Variants in ARMC8 observed in about 807,000 individuals in gnomAD.
ARMC8 encodes the protein armadillo repeat-containing protein 8.
In ARMC8, 20 loss-of-function variants were observed where a neutral mutation model predicts 99.3. The ratio of observed to expected loss-of-function variants is 0.20; its 90% CI spans 0.14 to 0.29. The LOEUF is 0.29. Ranked by LOEUF, ARMC8 falls within the 10% of genes least tolerant of loss-of-function variation. ARMC8 has a pLI of 1.00. For missense variants in ARMC8, 569 were observed against 809.5 expected (o/e 0.70, Z 3.60); for synonymous variants, 263 against 278.3 (o/e 0.95, Z 0.55).
chr3:138,265,768 C>T (rs781376507), intron 14 of ARMC8, among the ~76,000 whole-genome samples: 38 of 152,024 alleles, frequency 2.5e-4, no homozygotes, highest in African/African-American at 5.8e-4. Flanking sequence ...CAGGTAAGGA[C>T]GAAGTGGAAG....
intron 1 of ARMC8, among the ~76,000 whole-genome samples, chr3:138,205,652 T>A (rs1443118566): frequency 6.6e-6 from 1 of 152,032 alleles, no homozygotes; most frequent in Non-Finnish European, 1.5e-5. Context: ...AAAACATAAG[T>A]CAGGGCCAGG....
intron 12 of ARMC8, among the ~76,000 whole-genome samples, chr3:138,260,629 A>G (rs536865567): frequency 6.6e-6 from 1 of 152,324 alleles, no homozygotes; most frequent in South Asian, 2.1e-4. Context: ...GGTGCTAAGC[A>G]ACTTCAGGGA....
chr3:138,198,882 A>T (rs1247279499), intron 1 of ARMC8, among the ~76,000 whole-genome samples: 4 of 151,970 alleles, frequency 2.6e-5, no homozygotes, highest in Non-Finnish European at 5.9e-5. Context: ...TTTATTTTTG[A>T]TAACGTGAAG....
rs910001647 is a variant in ARMC8 at position 138,196,838 on chromosome 3, G to T, written c.45+9239G>T. Among the ~76,000 whole-genome samples, 11 of 152,310 alleles carry T rather than the reference G, an allele frequency of 7.2e-5. No individual in the cohort carries two copies. In the East Asian group the frequency reaches 7.7e-4, roughly 11 times the overall value. On this transcript the variant is annotated intron_variant, in intron 1 of 21. Coordinates refer to ENST00000469044, the MANE Select transcript of ARMC8 (RefSeq NM_001363941.2). ...GCTGAGATCGCACCCTTGCACTCCA[G>T]CTTGGGCAACAAGAGTGAAACTCCG...
intron 1 of ARMC8, among the ~76,000 whole-genome samples, chr3:138,199,232 G>A (rs1426899595): frequency 1.3e-5 from 2 of 152,126 alleles, no homozygotes; most frequent in African/African-American, 2.4e-5. Context: ...GGTATAAAAG[G>A]AATTGAATGT....
intron 12 of ARMC8, among the ~76,000 whole-genome samples, chr3:138,257,608 C>G (rs2047471102): frequency 6.6e-6 from 1 of 152,054 alleles, no homozygotes; most frequent in Non-Finnish European, 1.5e-5. Context: ...TATCCCATTT[C>G]CAAAACTAGT....
intron 18 of ARMC8, among the ~76,000 whole-genome samples, chr3:138,277,233 G>A (rs1338421294): frequency 6.6e-6 from 1 of 152,010 alleles, no homozygotes; most frequent in Non-Finnish European, 1.5e-5. Flanking sequence ...AATTAACTTT[G>A]AACTATACCA....
intron 6 of ARMC8, among the ~76,000 whole-genome samples, chr3:138,234,065 T>C (rs1313626437): frequency 5.3e-5 from 8 of 152,174 alleles, no homozygotes; most frequent in African/African-American, 1.7e-4. Context: ...CCTATCTCTT[T>C]ACCTTCCTAC....
chr3:138,214,437 T>C (rs1242311113), intron 2 of ARMC8, among the ~76,000 whole-genome samples: 3 of 152,122 alleles, frequency 2.0e-5, no homozygotes, highest in African/African-American at 7.2e-5. Flanking sequence ...ATTTTGGTAA[T>C]GATTAATTCT....
At chr3:138,245,288 A>G in intron 12 of ARMC8, 105 bp downstream of exon 12, 1 of 1,604,092 alleles carries the variant, frequency 6.2e-7, no homozygotes. Context: ...CTGTTTGAAT[A>G]TAATAAAGCA....
intron 1 of ARMC8, 115 bp downstream of exon 1, chr3:138,187,714 C>T: frequency 8.4e-7 from 1 of 1,183,622 alleles, no homozygotes. Context: ...TGGACCCCGG[C>T]TCAGTCTCGG....
At chr3:138,258,335 A>G (rs2047504575) in intron 12 of ARMC8, among the ~76,000 whole-genome samples, 1 of 152,212 alleles carries the variant, frequency 6.6e-6, no homozygotes, top group Non-Finnish European at 1.5e-5. Flanking sequence ...TAAAGCTGGA[A>G]GAATAGTTTG....
intron 6 of ARMC8, among the ~76,000 whole-genome samples, chr3:138,232,228 G>A (rs1237970339): frequency 6.6e-6 from 1 of 151,610 alleles, no homozygotes; most frequent in Non-Finnish European, 1.5e-5. Flanking sequence ...TGCCTGCCCC[G>A]GCTTCCCAAA....
At chr3:138,286,195 G>A (rs1382720436) in intron 19 of ARMC8, among the ~76,000 whole-genome samples, 7 of 152,072 alleles carry the variant, frequency 4.6e-5, no homozygotes, top group African/African-American at 9.7e-5. Flanking sequence ...CACCTGTCTC[G>A]GCCTCCCAAA....
Position 138,245,079 on chromosome 3 carries a change from T to G in ARMC8, c.1039-9T>G. On this transcript the variant is annotated splice_polypyrimidine_tract_variant and intron_variant, in intron 11 of 21. Coordinates refer to ENST00000469044, the MANE Select transcript of ARMC8 (RefSeq NM_001363941.2). ...ACTGAGTTGGAACATATCCTTTTTT[T>G]CCCCATAGCTTGATCATGATTTAAA... 3.7e-6 allele frequency: 6 copies of G among 1,613,276 alleles called. No individual in the cohort carries two copies. Among genetic ancestry groups the G allele is most frequent in the Non-Finnish European group, 5.1e-6 (6 of 1,179,418 alleles).
chr3:138,203,608 C>G (rs1486681241), intron 1 of ARMC8, among the ~76,000 whole-genome samples: 2 of 152,182 alleles, frequency 1.3e-5, no homozygotes, highest in Non-Finnish European at 2.9e-5. Context: ...TCTGAAATGG[C>G]ATCTTATTAC....
chr3:138,281,899 C>G (rs577974668), intron 18 of ARMC8, among the ~76,000 whole-genome samples: 18 of 152,212 alleles, frequency 1.2e-4, no homozygotes, highest in African/African-American at 2.6e-4. Context: ...GGTTATGAAG[C>G]CTTATTAAAA....
chr3:138,209,238 A>G (rs1270727641), intron 1 of ARMC8, among the ~76,000 whole-genome samples: 1 of 152,230 alleles, frequency 6.6e-6, no homozygotes, highest in Non-Finnish European at 1.5e-5. Context: ...GCTTGCTGCT[A>G]AGTGTATATG....
chr3:138,290,899 G>A (rs1345348474), intron 21 of ARMC8, among the ~76,000 whole-genome samples: 1 of 152,206 alleles, frequency 6.6e-6, no homozygotes, highest in Non-Finnish European at 1.5e-5. Flanking sequence ...GAGGCCATTT[G>A]CGTACATTCG....
Sources: allele counts gnomAD v4.1 joint callset (sites outside exome capture counted in the v4.1 genomes callset), GRCh38; gene constraint gnomAD v4.1.1; transcripts MANE v1.5; gene names NCBI Gene and HGNC (gene_info 2026-07-23, HGNC 2026-07-21).